Variants in AMPD1 observed in about 807,000 individuals in gnomAD.
The protein encoded by AMPD1 is adenosine monophosphate deaminase 1.
In AMPD1, 74 loss-of-function variants were observed where a neutral mutation model predicts 82.9. That is an observed-to-expected ratio of 0.89 (90% CI 0.74 to 1.08). AMPD1 has a LOEUF of 1.08. AMPD1 is among the 50% of genes least tolerant of loss of function. AMPD1 has a pLI of 0.00. For synonymous variants in AMPD1, 333 were observed against 320.5 expected, an observed-to-expected ratio of 1.04 and a Z score of -0.42; for missense variants, 881 against 924.5, an observed-to-expected ratio of 0.95 and a Z score of 0.61.
Position 114,673,285 on chromosome 1 carries a change from A to C in AMPD1, c.2086-13T>G, listed in dbSNP as rs764309251. On this transcript the variant is annotated splice_polypyrimidine_tract_variant and intron_variant, in intron 15 of 15. Transcript: ENST00000520113. ...ACTTTACTTTCTCCTATAAGAGAAA[A>C]GGATGGCAGAATGATTGTTGTCTCT... The C allele has an allele frequency of 9.3e-6, 15 of 1,613,398 alleles. No individual in the cohort carries two copies. In the South Asian group the frequency reaches 1.6e-4, roughly 18 times the overall value.
At chr1:114,675,335 TGAAAGCATC>T (rs1187396507) in intron 12 of AMPD1, among the ~76,000 whole-genome samples, 186 bp downstream of exon 12, 5 of 152,298 alleles carry the variant, frequency 3.3e-5, no homozygotes, top group African/African-American at 1.2e-4. Flanking sequence ...TGAAAGTTAT[TGAAAGCATC>T]GAAATACCGA....
chr1:114,690,951 T>C (rs2101726086), intron 2 of AMPD1, among the ~76,000 whole-genome samples: 1 of 152,314 alleles, frequency 6.6e-6, no homozygotes, highest in South Asian at 2.1e-4. Flanking sequence ...AGTATGGAAA[T>C]GGATGCCCAG....
chr1:114,683,034 A>G, intron 5 of AMPD1: 1 of 303,544 alleles, frequency 3.3e-6, no homozygotes, highest in Non-Finnish European at 6.5e-6. Flanking sequence ...TTGCCTAAAA[A>G]TAGGAATTAA....
rs768859376 is a variant in AMPD1, at chr1:114,688,542, C to G, written c.215+19G>C. The stretch of plus-strand genomic sequence containing the variant: ...TCCTTAGGTGCCAATATACTAAGCA[C>G]TCCCCTTACACCACTTACCTCCTGG... On this transcript the variant is annotated intron_variant, in intron 3 of 15. Coordinates refer to ENST00000520113, the MANE Select transcript of AMPD1 (RefSeq NM_000036.3). 9.9e-6 allele frequency: 16 copies of G among 1,614,000 alleles called. No homozygotes were observed. Among genetic ancestry groups the G allele is most frequent in the Non-Finnish European group, 1.4e-5 (16 of 1,179,896 alleles).
intron 4 of AMPD1, 114 bp from the exon 5 acceptor site, chr1:114,684,478 A>T (rs1265923065): frequency 2.7e-5 from 29 of 1,092,308 alleles, no homozygotes; most frequent in Non-Finnish European, 3.1e-5. Context: ...GCCCATTCTG[A>T]GACTCACCAC....
At chr1:114,686,283 C>T (rs1262754854) in intron 4 of AMPD1, among the ~76,000 whole-genome samples, 2 of 152,092 alleles carry the variant, frequency 1.3e-5, no homozygotes, top group African/African-American at 4.8e-5. Context: ...TTCCCTCTCT[C>T]TTTCTCTGGA....
intron 2 of AMPD1, among the ~76,000 whole-genome samples, chr1:114,690,732 C>G (rs1658488193): frequency 6.6e-6 from 1 of 152,162 alleles, no homozygotes; most frequent in Non-Finnish European, 1.5e-5. Context: ...AACTGATCCC[C>G]AGAAATAATG....
At chr1:114,692,408 G>A (rs1216056578) in intron 2 of AMPD1, among the ~76,000 whole-genome samples, 5 of 152,176 alleles carry the variant, frequency 3.3e-5, no homozygotes, top group African/African-American at 1.2e-4. Flanking sequence ...TTTTAAGGCT[G>A]GGCACGGTGG....
At chr1:114,691,831 A>G (rs1328503579) in intron 2 of AMPD1, among the ~76,000 whole-genome samples, 4 of 152,044 alleles carry the variant, frequency 2.6e-5, no homozygotes. Context: ...AGGCTGAGGC[A>G]GGAGAATTGC....
chr1:114,678,958 T>G (rs1488266752), intron 7 of AMPD1, among the ~76,000 whole-genome samples: 1 of 152,230 alleles, frequency 6.6e-6, no homozygotes, highest in Non-Finnish European at 1.5e-5. Context: ...TTTTATACAC[T>G]GAAATTTCAG....
chr1:114,695,408 AAACAAC>A, intron 1 of AMPD1, 36 bp downstream of exon 1: 1 of 1,602,962 alleles, frequency 6.2e-7, no homozygotes, highest in Non-Finnish European at 8.5e-7. Context: ...AAAAAAAAAA[AAACAAC>A]AACAACTGAG....
chr1:114,673,337 C>CAAA lies in AMPD1; in HGVS notation c.2086-66_2086-65insTTT. ...TTCACCCTGGTATAGACAATAATTG[C>CAAA]ATTCTTTACAAAAATTCCTTCCTTA... On this transcript the variant is annotated intron_variant, in intron 15 of 15. Coordinates refer to ENST00000520113, the MANE Select transcript of AMPD1 (RefSeq NM_000036.3). 8 of 1,569,124 alleles carry CAAA rather than the reference C, an allele frequency of 5.1e-6. 1 individual carries two copies. The South Asian group carries it at 9.0e-5, about 18-fold the overall frequency.
chr1:114,675,799 G>A lies in AMPD1; in HGVS notation c.1515+78C>T. On this transcript the variant is annotated intron_variant, in intron 11 of 15. Coordinates refer to ENST00000520113, the MANE Select transcript of AMPD1 (RefSeq NM_000036.3). ...GCACAGACCAAACATAAAGAGATAA[G>A]CACCAAGAATTAGTCATGACCAGGT... 6.2e-6 allele frequency: 10 copies of A among 1,613,046 alleles called. No individual in the cohort carries two copies. The South Asian group carries it at 8.8e-5, about 14-fold the overall frequency.
At position 114,675,590 on chromosome 1, in the gene AMPD1, G is replaced by A. The variant is rs557077718; in HGVS notation, c.1619C>T (p.Ser540Phe). The A allele has an allele frequency of 1.2e-6, 2 of 1,614,212 alleles. No homozygotes were observed. Among genetic ancestry groups the A allele is most frequent in the Non-Finnish European group, 1.7e-6 (2 of 1,180,028 alleles). ...CATGTAGTAGGCATAGTAAGTGTAA[G>A]ATGGATTCTTTTCCAATGTCCACTC... ...PQEWTLEKNP[S>F]YTYYAYYMYA... The change falls in exon 12 of 16, where the codon TCT becomes TTT. Residue 540 changes from serine to phenylalanine, a missense_variant. Physicochemically the swap from Ser to Phe is radical, Grantham distance 155. Around this residue, in one of 2 missense-constraint regions of AMPD1, gnomAD observed 783 missense variants for 786.4 expected, o/e 1.00. Transcript: ENST00000520113.
chr1:114,694,829 G>A (rs1284878851), intron 1 of AMPD1, among the ~76,000 whole-genome samples: 1 of 152,130 alleles, frequency 6.6e-6, no homozygotes, highest in Non-Finnish European at 1.5e-5. Flanking sequence ...GGGCAACAGA[G>A]TGACACCCTG....
chr1:114,688,634 G>T lies in AMPD1; in HGVS notation c.142C>A (p.Pro48Thr). 1.9e-6 allele frequency: 3 copies of T among 1,614,186 alleles called. No individual in the cohort carries two copies. Among genetic ancestry groups the T allele is most frequent in the Non-Finnish European group, 2.5e-6 (3 of 1,180,030 alleles). ...ISPFDVDEIC[P>T]ISHHEMQAHI... is the part of the protein sequence containing the mutation. ...GCTTGCATCTCATGATGAGAAATCG[G>T]ACAGATCTCATCCACATCAAAGGGG... Residue 48 changes from proline (P) to threonine (T), a missense_variant, in exon 3 of 16, where the codon CCG becomes ACG. Coordinates refer to ENST00000520113, the MANE Select transcript of AMPD1 (RefSeq NM_000036.3).
intron 2 of AMPD1, among the ~76,000 whole-genome samples, chr1:114,692,772 C>T (rs1486142107): frequency 1.1e-4 from 13 of 117,892 alleles, no homozygotes; most frequent in South Asian, 7.6e-4. Context: ...TTTTTTTTTG[C>T]GCTGGAGTTG....
intron 2 of AMPD1, among the ~76,000 whole-genome samples, chr1:114,693,155 A>C (rs1041013928): frequency 6.7e-6 from 1 of 148,492 alleles, no homozygotes; most frequent in African/African-American, 2.5e-5. Context: ...TAAATAAATA[A>C]ATAAATAAAT....
chr1:114,679,902 A>G (rs935730402), intron 6 of AMPD1, among the ~76,000 whole-genome samples, 194 bp from the exon 7 acceptor site: 2 of 152,246 alleles, frequency 1.3e-5, no homozygotes, highest in African/African-American at 4.8e-5. Flanking sequence ...AATGTTGGAC[A>G]TAAGAATGAG....
Sources: gnomAD v4.1 joint callset for allele counts (sites outside exome capture counted in the v4.1 genomes callset) on GRCh38, gnomAD v4.1.1 for gene constraint, gnomAD v4.1.1 regional missense constraint, MANE v1.5 for transcripts, NCBI Gene and HGNC (gene_info 2026-07-23, HGNC 2026-07-21) for gene names.